DUSP22: variants seen among roughly 807,000 people sequenced by gnomAD.
DUSP22 encodes dual specificity protein phosphatase 22.
Under a neutral mutation model 24.5 loss-of-function variants are expected in DUSP22, and 24 were observed. The ratio of observed to expected loss-of-function variants is 0.98; its 90% CI spans 0.71 to 1.38. The LOEUF (loss-of-function observed/expected upper bound fraction) is 1.38. Ranked by LOEUF, DUSP22 falls within the 40% of genes most tolerant of loss-of-function variation. DUSP22 has a pLI of 0.00. For synonymous variants in DUSP22, 160 were observed against 106.4 expected, an observed-to-expected ratio of 1.50 and a Z score of -3.10; for missense variants, 330 against 269.2, an observed-to-expected ratio of 1.23 and a Z score of -1.58.
At position 349,468 on chromosome 6, in the gene DUSP22, A is replaced by G. The variant is rs1029999499; in HGVS notation, c.*517A>G. 1.0e-4 allele frequency: 102 copies of G among 1,007,484 alleles called. No homozygotes were observed. Among genetic ancestry groups the G allele is most frequent in the African/African-American group, 8.5e-4 (49 of 57,740 alleles). 62.4% of individuals were successfully genotyped at this position (1,007,484 alleles called of 1,614,324 possible). A position where few individuals can be genotyped will look rare whatever the true frequency, so the allele number is the denominator to read the frequency against. On this transcript the variant is annotated 3_prime_UTR_variant, in exon 7 of 7. Transcript: ENST00000419235. Reference sequence around the variant, plus strand: ...ATTTGAGCTCGACCTCCGAAAAGCTACCCAGCAAAGAGCAGTCTGTGCCTC... The same window carrying G: ...ATTTGAGCTCGACCTCCGAAAAGCTGCCCAGCAAAGAGCAGTCTGTGCCTC...
At chr6:311,075 G>A (rs1374863411) in intron 2 of DUSP22, among the ~76,000 whole-genome samples, 2 of 152,304 alleles carry the variant, frequency 1.3e-5, no homozygotes, top group African/African-American at 2.4e-5. Flanking sequence ...AAAAAAAGAC[G>A]AATCAGGAGA....
intron 3 of DUSP22, among the ~76,000 whole-genome samples, chr6:332,680 C>A (rs1433870050): frequency 2.1e-5 from 3 of 146,022 alleles, no homozygotes; most frequent in African/African-American, 7.6e-5. Context: ...GATATATAGA[C>A]TAGGCTGATT....
intron 2 of DUSP22, among the ~76,000 whole-genome samples, chr6:308,070 A>G (rs1429363337): frequency 1.3e-5 from 2 of 151,604 alleles, no homozygotes; most frequent in African/African-American, 4.9e-5. Context: ...GCCAAAGGTC[A>G]TTCCCTCCAG....
At chr6:348,306 A>G (rs769926383) in intron 6 of DUSP22, 32 bp downstream of exon 6, 1 of 1,613,194 alleles carries the variant, frequency 6.2e-7, no homozygotes, top group Non-Finnish European at 8.5e-7. Context: ...TCAGAGATGC[A>G]GGCAGGTGCC....
At chr6:292,887 G>T (rs1437483302) in intron 1 of DUSP22, among the ~76,000 whole-genome samples, 1 of 152,300 alleles carries the variant, frequency 6.6e-6, no homozygotes, top group Non-Finnish European at 1.5e-5. Flanking sequence ...AATGGATGTG[G>T]CTTCTTTTTT....
intron 1 of DUSP22, among the ~76,000 whole-genome samples, chr6:297,473 C>T (rs1224956004): frequency 6.6e-6 from 1 of 152,306 alleles, no homozygotes; most frequent in African/African-American, 2.4e-5. Context: ...TCCCTCTAGG[C>T]ATAGACCGGT....
intron 2 of DUSP22, among the ~76,000 whole-genome samples, chr6:308,584 G>T (rs1367158779): frequency 6.6e-6 from 1 of 152,302 alleles, no homozygotes; most frequent in Non-Finnish European, 1.5e-5. Flanking sequence ...GGGCTGTCGT[G>T]ATATCAAGTG....
chr6:320,933 T>A (rs1238890613), intron 3 of DUSP22, among the ~76,000 whole-genome samples: 1 of 152,298 alleles, frequency 6.6e-6, no homozygotes, highest in African/African-American at 2.4e-5. Flanking sequence ...GGGGATAAAA[T>A]ACAAAGAGAA....
chr6:319,430 C>T (rs1217450817), intron 3 of DUSP22, among the ~76,000 whole-genome samples: 1 of 152,310 alleles, frequency 6.6e-6, no homozygotes, highest in Non-Finnish European at 1.5e-5. Flanking sequence ...TTATTTCAGT[C>T]ATCTTAATCT....
At chr6:332,644 C>CTTTTTTTTTTTTTTTTTT (rs3053546) in intron 3 of DUSP22, among the ~76,000 whole-genome samples, 3 of 148,124 alleles carry the variant, frequency 2.0e-5, no homozygotes, top group Non-Finnish European at 3.0e-5. Flanking sequence ...TCCTGTCCTT[C>CTTTTTTTTTTTTTTTTTT]TTTTTTTTTT....
chr6:309,705 C>T (rs1273935830), intron 2 of DUSP22, among the ~76,000 whole-genome samples: 2 of 132,250 alleles, frequency 1.5e-5, no homozygotes, highest in Non-Finnish European at 3.3e-5. Flanking sequence ...CACACACACA[C>T]ACACACACAC....
rs979896790 is a variant in DUSP22 at position 348,840 on chromosome 6, G to A, written c.507G>A (p.Leu169=). The A allele has an allele frequency of 1.2e-6, 2 of 1,614,194 alleles. No individual in the cohort carries two copies. Among genetic ancestry groups the A allele is most frequent in the African/African-American group, 2.7e-5 (2 of 74,968 alleles). ...ATGCAGAAGAAGCCAAAAACATTCT[G>A]GGTAAATATAAGGAGCAAGGGCGCA... ...LQDAEEAKNI[L]GKYKEQGRTE... is the part of the protein sequence containing the mutation. The change falls in exon 7 of 7, where the codon CTG becomes CTA. Residue 169 remains leucine, a synonymous_variant. Coordinates refer to ENST00000419235, the MANE Select transcript of DUSP22 (RefSeq NM_001286555.3).
chr6:348,746 G>C (rs760260711), intron 6 of DUSP22, 23 bp from the exon 7 acceptor site: 1 of 1,613,808 alleles, frequency 6.2e-7, no homozygotes, highest in Admixed American at 1.7e-5. Context: ...GTGACGTTTC[G>C]GGTTTGTTTC....
At chr6:316,047 G>T (rs1405804079) in intron 3 of DUSP22, among the ~76,000 whole-genome samples, 1 of 152,308 alleles carries the variant, frequency 6.6e-6, no homozygotes, top group Non-Finnish European at 1.5e-5. Context: ...CGATGCCTAA[G>T]AATTCAGAAA....
chr6:307,080 A>G (rs1309183335), intron 2 of DUSP22, among the ~76,000 whole-genome samples: 5 of 152,430 alleles, frequency 3.3e-5, no homozygotes, highest in Non-Finnish European at 5.9e-5. Flanking sequence ...TGGAAACCCA[A>G]TGTGGAATGT....
chr6:306,072 G>A (rs1757803464), intron 2 of DUSP22, among the ~76,000 whole-genome samples: 1 of 152,302 alleles, frequency 6.6e-6, no homozygotes, highest in Non-Finnish European at 1.5e-5. Flanking sequence ...TACTGGACTT[G>A]CTAAATTAGT....
intron 2 of DUSP22, among the ~76,000 whole-genome samples, chr6:309,160 G>T (rs1757954357): frequency 6.6e-6 from 1 of 152,306 alleles, no homozygotes; most frequent in Admixed American, 6.5e-5. Flanking sequence ...GTTGGGGGTT[G>T]GCAGTGAGTC....
intron 4 of DUSP22, 43 bp downstream of exon 4, chr6:335,206 A>G: frequency 6.2e-7 from 1 of 1,601,174 alleles, no homozygotes; most frequent in Non-Finnish European, 8.6e-7. Flanking sequence ...ATTTAAAAAA[A>G]TGAATAGAGG....
chr6:300,749 C>G (rs113960805), intron 1 of DUSP22, among the ~76,000 whole-genome samples: 1 of 152,310 alleles, frequency 6.6e-6, no homozygotes, highest in Non-Finnish European at 1.5e-5. Context: ...GTGCACTCTT[C>G]TGCATTTATG....
Sources: allele counts gnomAD v4.1 joint callset (sites outside exome capture counted in the v4.1 genomes callset), GRCh38; gene constraint gnomAD v4.1.1; transcripts MANE v1.5; gene names NCBI Gene and HGNC (gene_info 2026-07-23, HGNC 2026-07-21).